MIER1: variants seen among roughly 807,000 people sequenced by gnomAD.
MIER1 encodes the protein mesoderm induction early response protein 1.
In MIER1, 40 loss-of-function variants were observed where a neutral mutation model predicts 75.7. That is an observed-to-expected ratio of 0.53 (90% confidence interval 0.41 to 0.69). The LOEUF is 0.69. Among genes scored for constraint, MIER1 ranks in the 30% least tolerant of loss-of-function variants. The pLI is 0.00. For missense variants in MIER1, 574 were observed against 680.2 expected (o/e 0.84, Z 1.74); for synonymous variants, 213 against 223.4 (o/e 0.95, Z 0.42).
At chr1:66,931,252 C>CGGAA (rs1159805250) in intron 2 of MIER1, among the ~76,000 whole-genome samples, 5 of 152,016 alleles carry the variant, frequency 3.3e-5, no homozygotes, top group African/African-American at 1.2e-4. Context: ...ATTTATTAAT[C>CGGAA]GGAACTAAGT....
chr1:66,973,690 G>A (rs191026700), intron 11 of MIER1, among the ~76,000 whole-genome samples: 82 of 152,202 alleles, frequency 5.4e-4, no homozygotes, highest in Admixed American at 1.2e-3. Context: ...ATAGAAAAAT[G>A]TGTTGTTTCC....
intron 8 of MIER1, among the ~76,000 whole-genome samples, chr1:66,969,288 G>C (rs1486239838): frequency 1.3e-5 from 2 of 152,014 alleles, no homozygotes; most frequent in East Asian, 3.9e-4. Context: ...GCTCACACCT[G>C]TAATCCCAGC....
intron 7 of MIER1, among the ~76,000 whole-genome samples, chr1:66,961,618 G>A (rs1661271901): frequency 6.6e-6 from 1 of 152,176 alleles, no homozygotes; most frequent in Non-Finnish European, 1.5e-5. Context: ...TAACTTAGAT[G>A]TACTGACTAC....
chr1:66,958,953 C>G lies in MIER1; in HGVS notation c.604C>G (p.Arg202Gly). ...TTCTCAAGATGCCCAGGAAATAATC[C>G]GCCCACGTCGATGTAAATATTTTGA... Reference protein sequence around the residue: ...VASQDAQEIIRPRRCKYFDTN... With the variant: ...VASQDAQEIIGPRRCKYFDTN... Residue 202 changes from arginine (R) to glycine (G), a missense_variant, in exon 6 of 14, where the codon CGC (arginine) becomes GGC (glycine). Coordinates refer to ENST00000401041, the MANE Select transcript of MIER1 (RefSeq NM_001077700.3). 1 of 1,612,362 alleles carries G rather than the reference C, an allele frequency of 6.2e-7. No homozygotes were observed. Among genetic ancestry groups the G allele is most frequent in the Non-Finnish European group, 8.5e-7 (1 of 1,178,956 alleles).
chr1:66,947,849 G>A (rs978751875), intron 4 of MIER1: 1 of 792,014 alleles, frequency 1.3e-6, no homozygotes, highest in African/African-American at 1.9e-5. Context: ...TGTTAAATAG[G>A]CTAGTTTCTT....
chr1:66,965,776 C>G (rs1348755538), intron 8 of MIER1, among the ~76,000 whole-genome samples: 9 of 152,114 alleles, frequency 5.9e-5, no homozygotes, highest in Admixed American at 5.9e-4. Flanking sequence ...TTTTTGTACC[C>G]ATTAACCATC....
In MIER1 at chr1:66,986,009, T is replaced by C; in HGVS notation, c.*1109T>C. 1.0e-6 allele frequency: 1 copy of C among 991,404 alleles called. No individual in the cohort carries two copies. The highest frequency in any genetic ancestry group is 1.2e-6 in the Non-Finnish European group (1 of 833,852). 61.4% of individuals were successfully genotyped at this position (991,404 alleles called of 1,614,324 possible). On this transcript the variant is annotated 3_prime_UTR_variant, in exon 14 of 14. Transcript: ENST00000401041. ...TCATGCTGACCAGAATCCTGTTATT[T>C]TTATATGCATCATAAAATTTCCCAT...
intron 10 of MIER1, among the ~76,000 whole-genome samples, chr1:66,972,135 A>G (rs1292746358): frequency 6.6e-6 from 1 of 150,812 alleles, no homozygotes; most frequent in Admixed American, 6.6e-5. Flanking sequence ...ATAATTCATC[A>G]GTAATGAAGC....
chr1:66,929,733 C>G (rs1413465532), intron 2 of MIER1, among the ~76,000 whole-genome samples: 1 of 152,090 alleles, frequency 6.6e-6, no homozygotes, highest in East Asian at 1.9e-4. Flanking sequence ...TATCATAACC[C>G]CTTCCATTAA....
chr1:66,940,274 T>C (rs538296541), intron 3 of MIER1: 806 of 236,770 alleles, frequency 3.4e-3, no homozygotes, highest in Middle Eastern at 6.7e-3. Flanking sequence ...GGTTTTCTTT[T>C]TTTTTTTTTT....
chr1:66,978,723 A>G (rs1665273788), intron 12 of MIER1, among the ~76,000 whole-genome samples: 1 of 152,302 alleles, frequency 6.6e-6, no homozygotes, highest in East Asian at 1.9e-4. Flanking sequence ...GTAACAACAT[A>G]AGAATGGCCA....
chr1:66,959,808 A>AT (rs1415592470), intron 7 of MIER1, 65 bp downstream of exon 7: 7 of 667,432 alleles, frequency 1.0e-5, no homozygotes, highest in African/African-American at 8.1e-5. Flanking sequence ...GCCTCGTGTA[A>AT]TTATTTTTTT....
chr1:66,957,984 C>A lies in MIER1; in HGVS notation c.340-75C>A, dbSNP rs981099845. On this transcript the variant is annotated intron_variant, in intron 4 of 13. Coordinates refer to ENST00000401041, the MANE Select transcript of MIER1 (RefSeq NM_001077700.3). ...TCTTCACTATAGAATGAATACTCCA[C>A]AGATTTGTGGATTATAGCCTGGGAA... 5 of 896,552 alleles carry A rather than the reference C, an allele frequency of 5.6e-6. No homozygotes were observed. The African/African-American group carries it at 8.4e-5, about 15-fold the overall frequency. 55.5% of individuals were successfully genotyped at this position (896,552 alleles called of 1,614,324 possible).
intron 4 of MIER1, among the ~76,000 whole-genome samples, chr1:66,948,573 C>T (rs1416207411): frequency 1.3e-5 from 2 of 152,134 alleles, no homozygotes; most frequent in African/African-American, 2.4e-5. Flanking sequence ...TTGGCTATCA[C>T]AAAAGTCTTT....
Position 66,940,022 on chromosome 1 carries a change from TCTC to T in MIER1, c.169-5_169-3del. On this transcript the variant is annotated splice_polypyrimidine_tract_variant and splice_region_variant and intron_variant, in intron 2 of 13. Coordinates refer to ENST00000401041, the MANE Select transcript of MIER1 (RefSeq NM_001077700.3). ...ACTAATTTTTCCTCTTTTCTCCCCT[TCTC>T]AGCCATCTGTTGAATCTTCAAGTCC... 1 of 1,603,576 alleles carries T rather than the reference TCTC, an allele frequency of 6.2e-7. No homozygotes were observed. The highest frequency in any genetic ancestry group is 8.5e-7 in the Non-Finnish European group (1 of 1,171,174).
chr1:66,935,940 A>G (rs1654705828), intron 2 of MIER1, among the ~76,000 whole-genome samples: 2 of 152,100 alleles, frequency 1.3e-5, no homozygotes, highest in African/African-American at 2.4e-5. Flanking sequence ...TAATGCATGG[A>G]CTTTAAATGT....
intron 2 of MIER1, among the ~76,000 whole-genome samples, chr1:66,937,088 C>G (rs1264636235): frequency 1.3e-5 from 2 of 150,702 alleles, no homozygotes; most frequent in African/African-American, 4.9e-5. Flanking sequence ...GCAGTTATTT[C>G]TCTAGAAGGT....
chr1:66,925,270 C>T (rs1463332782), intron 1 of MIER1, 175 bp downstream of exon 1: 4 of 984,150 alleles, frequency 4.1e-6, no homozygotes, highest in Non-Finnish European at 4.8e-6. Context: ...GCTTGCTCTC[C>T]GCCGGCTGCC....
chr1:66,948,255 C>T, intron 4 of MIER1: 1 of 923,208 alleles, frequency 1.1e-6, no homozygotes, highest in Non-Finnish European at 1.3e-6. Context: ...ATTTCCTGTA[C>T]TCCATGATAA....
Sources: allele counts gnomAD v4.1 joint callset (sites outside exome capture counted in the v4.1 genomes callset), GRCh38; gene constraint gnomAD v4.1.1; transcripts MANE v1.5; gene names NCBI Gene and HGNC (gene_info 2026-07-23, HGNC 2026-07-21).